Variants in CIT observed in about 807,000 individuals in gnomAD.
The protein encoded by CIT is citron rho-interacting serine/threonine kinase.
Under a neutral mutation model 272.7 loss-of-function variants are expected in CIT, and 79 were observed. The observed-to-expected ratio is 0.29, with a 90% CI of 0.24 to 0.35. The LOEUF (loss-of-function observed/expected upper bound fraction) is 0.35. CIT is among the 10% of genes least tolerant of loss of function. The probability of loss-of-function intolerance (pLI) is 1.00; values close to 1 mark genes in which losing one functional copy is unlikely to be tolerated. For synonymous variants in CIT, 948 were observed against 995.6 expected (o/e 0.95, Z 0.90); for missense variants, 1,909 against 2,618.3 (o/e 0.73, Z 5.91).
intron 23 of CIT, among the ~76,000 whole-genome samples, chr12:119,744,709 C>A (rs542144883): frequency 1.0e-5 from 1 of 96,608 alleles, no homozygotes. Flanking sequence ...GGCGAGACTC[C>A]GCCTCAAAAA....
intron 9 of CIT, among the ~76,000 whole-genome samples, chr12:119,819,943 T>C (rs542578274): frequency 1.3e-5 from 2 of 152,186 alleles, no homozygotes; most frequent in Non-Finnish European, 2.9e-5. Flanking sequence ...CTGAAGTTAA[T>C]ACCATGCCTC....
At chr12:119,793,028 C>T (rs180998817) in intron 10 of CIT, among the ~76,000 whole-genome samples, 1 of 152,240 alleles carries the variant, frequency 6.6e-6, no homozygotes, top group Admixed American at 6.5e-5. Context: ...ATATCAAAAA[C>T]ACTATTCCCC....
rs1448561838 is a variant in CIT at position 119,811,943 on chromosome 12, A to ATC, written c.1112-8555_1112-8554insGA. Among the ~76,000 whole-genome samples the ATC allele has an allele frequency of 6.2e-5, 8 of 129,814 alleles. No individual in the cohort carries two copies. The East Asian group carries it at 1.8e-3, about 29-fold the overall frequency. The allele number at this position is 129,814 out of a possible 152,430, so 85.2% of individuals were successfully genotyped here. On this transcript the variant is annotated intron_variant, in intron 9 of 47. Coordinates refer to ENST00000392521, the MANE Select transcript of CIT (RefSeq NM_001206999.2). The stretch of plus-strand genomic sequence containing the variant: ...TCACCCTGGTGGATATTCCCCAGGA[A>ATC]TTTTTTTTTTTTTTTTTTTTGAGAC...
Position 119,701,728 on chromosome 12 carries a change from G to C in CIT, c.5438C>G (p.Ser1813Cys). The C allele has an allele frequency of 6.2e-7, 1 of 1,614,252 alleles. No homozygotes were observed. Among genetic ancestry groups the C allele is most frequent in the Non-Finnish European group, 8.5e-7 (1 of 1,180,042 alleles). Residue 1813 changes from serine (S) to cysteine (C), a missense_variant, in exon 43 of 48, where the codon TCC becomes TGC. Around this residue, in one of 8 missense-constraint regions of CIT, gnomAD observed 780 missense variants for 1,067.2 expected, o/e 0.73. Coordinates refer to ENST00000392521, the MANE Select transcript of CIT (RefSeq NM_001206999.2). ...GGCGGCAAACACAGCAGGTGCCAAG[G>C]AATGGTCATTCTTATCCAGGAATTC... ...LEEFLDKNDH[S>C]LAPAVFAASS... is the part of the protein sequence containing the mutation.
chr12:119,776,493 A>C (rs1007861333), intron 14 of CIT, 85 bp from the exon 15 acceptor site: 38 of 1,219,052 alleles, frequency 3.1e-5, no homozygotes, highest in Non-Finnish European at 3.6e-6. Context: ...TCTGTGACCA[A>C]GATAATAATA....
chr12:119,737,469 C>A (rs1434599830), intron 24 of CIT, among the ~76,000 whole-genome samples: 4 of 151,908 alleles, frequency 2.6e-5, no homozygotes, highest in Non-Finnish European at 2.9e-5. Context: ...TTCTTTGATT[C>A]ACGAAAAAAA....
chr12:119,870,549 CAAAAA>C (rs57894300), intron 2 of CIT, among the ~76,000 whole-genome samples: 1 of 52,412 alleles, frequency 1.9e-5, no homozygotes, highest in African/African-American at 6.7e-5. Context: ...GACTCCCTCT[CAAAAA>C]AAAAAAAAAA....
intron 10 of CIT, among the ~76,000 whole-genome samples, 161 bp downstream of exon 10, chr12:119,803,045 C>G (rs955441757): frequency 6.6e-6 from 1 of 152,126 alleles, no homozygotes; most frequent in Non-Finnish European, 1.5e-5. Flanking sequence ...AGGCTACCCC[C>G]GCAAAGCCCT....
At chr12:119,724,073 T>C (rs1169268414) in intron 28 of CIT, among the ~76,000 whole-genome samples, 2 of 152,034 alleles carry the variant, frequency 1.3e-5, no homozygotes, top group Non-Finnish European at 2.9e-5. Context: ...GGAGGATCGC[T>C]TGAGCCCAGG....
Position 119,710,106 on chromosome 12 carries a change from G to T in CIT, c.5071+145C>A. On this transcript the variant is annotated intron_variant, in intron 39 of 47. Transcript: ENST00000392521. This position sits in a 1 kb window ranked among gnomAD's most constrained non-coding sequence, Gnocchi z 5.6. ...TCTGGACAGAGGGGGTCCATTAGCT[G>T]AGGCTTGGGCATCTATGGGGACACA... The T allele has an allele frequency of 1.3e-5, 11 of 871,888 alleles. No individual in the cohort carries two copies. Among genetic ancestry groups the T allele is most frequent in the Admixed American group, 2.3e-5 (1 of 43,422 alleles). The allele number at this position is 871,888 out of a possible 1,614,324, so 54.0% of individuals were successfully genotyped here.
At chr12:119,717,397 A>G (rs904191771) in intron 32 of CIT, among the ~76,000 whole-genome samples, 60 of 141,142 alleles carry the variant, frequency 4.3e-4, no homozygotes, top group Non-Finnish European at 1.2e-4. Flanking sequence ...TTATTTTTTC[A>G]TATTCTTTTT....
chr12:119,780,192 A>T lies in CIT; in HGVS notation c.1665+2326T>A, dbSNP rs908654985. On this transcript the variant is annotated intron_variant, in intron 13 of 47. Coordinates refer to ENST00000392521, the MANE Select transcript of CIT (RefSeq NM_001206999.2). ...TGTCTCCTTTCCTGAGTAGGGGAGC[A>T]AGGAAGAAGCTGAAATTGCTAGTAA... Among the ~76,000 whole-genome samples, 3 of 152,252 alleles carry T rather than the reference A, an allele frequency of 2.0e-5. No homozygotes were observed. The East Asian group carries it at 5.8e-4, about 29-fold the overall frequency.
At chr12:119,796,873 G>A (rs549602179) in intron 10 of CIT, among the ~76,000 whole-genome samples, 5 of 152,330 alleles carry the variant, frequency 3.3e-5, no homozygotes, top group African/African-American at 4.8e-5. Flanking sequence ...ACGTTGTCTC[G>A]AAGAAAGGTA....
intron 2 of CIT, among the ~76,000 whole-genome samples, chr12:119,874,868 C>T (rs1458958806): frequency 7.5e-6 from 1 of 132,454 alleles, no homozygotes; most frequent in African/African-American, 2.9e-5. Context: ...GCCTGGGCGA[C>T]AGCGAAGACT....
At chr12:119,720,721 T>C (rs563478300) in intron 29 of CIT, 136 bp from the exon 30 acceptor site, 2 of 560,768 alleles carry the variant, frequency 3.6e-6, no homozygotes, top group Non-Finnish European at 6.1e-6. Flanking sequence ...ACTGAGTCAG[T>C]ATGTATTTAG....
intron 3 of CIT, among the ~76,000 whole-genome samples, chr12:119,863,906 C>A (rs1272290321): frequency 1.3e-5 from 2 of 151,468 alleles, no homozygotes; most frequent in East Asian, 3.9e-4. Context: ...GGTGAAGATG[C>A]AGCAAGAAGG....
intron 26 of CIT, among the ~76,000 whole-genome samples, chr12:119,733,467 G>A (rs779863984): frequency 2.6e-5 from 4 of 151,618 alleles, no homozygotes; most frequent in African/African-American, 7.3e-5. Context: ...CCTGGAGGTG[G>A]AGGTTGCAGT....
At chr12:119,864,736 A>G (rs1950467104) in intron 3 of CIT, among the ~76,000 whole-genome samples, 1 of 152,244 alleles carries the variant, frequency 6.6e-6, no homozygotes, top group African/African-American at 2.4e-5. Flanking sequence ...GCATACACTC[A>G]TTCAACAAGT....
chr12:119,772,271 A>T (rs1453297081), intron 17 of CIT, among the ~76,000 whole-genome samples: 1 of 152,244 alleles, frequency 6.6e-6, no homozygotes, highest in African/African-American at 2.4e-5. Flanking sequence ...AAAGGCACTC[A>T]TGTGGTTCTG....
Sources: allele counts gnomAD v4.1 joint callset (sites outside exome capture counted in the v4.1 genomes callset), GRCh38; gene constraint gnomAD v4.1.1; regional missense constraint gnomAD v4.1.1; non-coding constraint Gnocchi (gnomAD v3.1); transcripts MANE v1.5; gene names NCBI Gene and HGNC (gene_info 2026-07-23, HGNC 2026-07-21).